ATP8A2: variants seen among roughly 807,000 people sequenced by gnomAD.
ATP8A2 encodes the protein phospholipid-transporting ATPase IB.
A neutral mutation model predicts 165.6 loss-of-function variants in ATP8A2; 100 were observed. That is an observed-to-expected ratio of 0.60 (90% confidence interval 0.51 to 0.71). ATP8A2 has a LOEUF of 0.71. Ranked by LOEUF, ATP8A2 falls within the 30% of genes least tolerant of loss-of-function variation. The pLI is 0.00. For synonymous variants in ATP8A2, 543 were observed against 548.8 expected, an observed-to-expected ratio of 0.99 and a Z score of 0.15; for missense variants, 1,227 against 1,479.5, an observed-to-expected ratio of 0.83 and a Z score of 2.80.
At chr13:25,860,155 C>T in intron 30 of ATP8A2, 40 bp from the exon 31 acceptor site, 1 of 1,435,796 alleles carries the variant, frequency 7.0e-7, no homozygotes, top group Non-Finnish European at 9.8e-7. Flanking sequence ...TGGCCATGCT[C>T]AGCTTCTTGG....
chr13:25,540,043 A>C (rs894911057), intron 7 of ATP8A2, among the ~76,000 whole-genome samples: 1 of 152,040 alleles, frequency 6.6e-6, no homozygotes, highest in African/African-American at 2.4e-5. Flanking sequence ...TTTCTCTTTC[A>C]TCTTCAGTTC....
chr13:25,828,695 T>C (rs1317173029), intron 28 of ATP8A2, among the ~76,000 whole-genome samples: 1 of 152,264 alleles, frequency 6.6e-6, no homozygotes, highest in Non-Finnish European at 1.5e-5. Flanking sequence ...TTCCAGCTAC[T>C]GTGGAGGATG....
chr13:25,660,071 A>G (rs1469389761), intron 24 of ATP8A2, among the ~76,000 whole-genome samples: 3 of 152,188 alleles, frequency 2.0e-5, no homozygotes, highest in African/African-American at 7.2e-5. Flanking sequence ...CAGGCCCTTT[A>G]TGTTGGACAA....
chr13:25,715,785 G>A (rs2043243582), intron 25 of ATP8A2, among the ~76,000 whole-genome samples: 1 of 152,102 alleles, frequency 6.6e-6, no homozygotes, highest in Admixed American at 6.5e-5. Context: ...TTTTTGTGTG[G>A]ACATATGTTT....
In ATP8A2 at chr13:25,512,296, G is replaced by A. The variant is rs562233631; in HGVS notation, c.222-17703G>A. Among the ~76,000 whole-genome samples, 11 of 152,186 alleles carry A rather than the reference G, an allele frequency of 7.2e-5. 1 individual carries two copies. The highest frequency in any genetic ancestry group is 4.2e-4 in the South Asian group (2 of 4,804). Reference sequence around the variant, plus strand: ...TGTCTACCTCTTTCTACACAGACACGGCAACCATCCGATTTCTCAATCTTT... The same window carrying A: ...TGTCTACCTCTTTCTACACAGACACAGCAACCATCCGATTTCTCAATCTTT... On this transcript the variant is annotated intron_variant, in intron 2 of 36. Transcript: ENST00000381655.
At chr13:25,464,232 T>C (rs1008956854) in intron 1 of ATP8A2, among the ~76,000 whole-genome samples, 2 of 152,258 alleles carry the variant, frequency 1.3e-5, no homozygotes, top group Non-Finnish European at 1.5e-5. Flanking sequence ...TGAATAGGAA[T>C]TTGTCCCTCC....
chr13:25,758,239 A>T (rs2044305864), intron 25 of ATP8A2, among the ~76,000 whole-genome samples: 1 of 152,238 alleles, frequency 6.6e-6, no homozygotes. Context: ...GTCCTTGAAC[A>T]TGAAATGGAA....
At chr13:25,577,189 A>G in intron 20 of ATP8A2, 51 bp downstream of exon 20, 1 of 1,453,576 alleles carries the variant, frequency 6.9e-7, no homozygotes, top group South Asian at 1.2e-5. Context: ...CAGCTTTGTT[A>G]ATCTGCCGCT....
At chr13:25,645,661 AT>A (rs780170878) in intron 24 of ATP8A2, among the ~76,000 whole-genome samples, 3 of 152,040 alleles carry the variant, frequency 2.0e-5, no homozygotes, top group Admixed American at 6.6e-5. Flanking sequence ...CCTATAATTT[AT>A]TTATTGATCC....
chr13:25,820,440 G>A (rs1451619248), intron 27 of ATP8A2, among the ~76,000 whole-genome samples: 1 of 152,142 alleles, frequency 6.6e-6, no homozygotes, highest in African/African-American at 2.4e-5. Context: ...AGCATTCCTA[G>A]TTAACAAGAA....
At chr13:25,974,197 C>A (rs763632826) in intron 35 of ATP8A2, among the ~76,000 whole-genome samples, 1 of 152,182 alleles carries the variant, frequency 6.6e-6, no homozygotes, top group African/African-American at 2.4e-5. Flanking sequence ...ATCATACATT[C>A]GCTTTGAGGT....
chr13:25,527,218 T>C (rs933252340), intron 2 of ATP8A2, among the ~76,000 whole-genome samples: 2 of 152,214 alleles, frequency 1.3e-5, no homozygotes, highest in African/African-American at 4.8e-5. Context: ...AGTGCTCTGC[T>C]GAATTAAATT....
In ATP8A2 at chr13:25,450,655, C is replaced by T. The variant is rs1399722804; in HGVS notation, c.77-18322C>T. ...CACGCCATTCTCCTGCTTCAGCCTC[C>T]CGAGTAGCTGGGACTACAGGCGCCC... On this transcript the variant is annotated intron_variant, in intron 1 of 36. Transcript: ENST00000381655. Among the ~76,000 whole-genome samples the T allele has an allele frequency of 5.3e-5, 8 of 152,104 alleles. 1 individual carries two copies. The highest frequency in any genetic ancestry group is 1.2e-4 in the Non-Finnish European group (8 of 68,024).
At chr13:25,800,097 A>T (rs1950590540) in intron 27 of ATP8A2, among the ~76,000 whole-genome samples, 1 of 152,218 alleles carries the variant, frequency 6.6e-6, no homozygotes, top group Admixed American at 6.5e-5. Flanking sequence ...ACCAACTCCT[A>T]AGTCCCTGTT....
intron 33 of ATP8A2, among the ~76,000 whole-genome samples, chr13:25,923,616 C>T (rs1954521245): frequency 9.2e-6 from 1 of 108,518 alleles, no homozygotes; most frequent in East Asian, 3.1e-4. Context: ...ATAATTCAAC[C>T]CTTAGCCTCC....
chr13:25,502,724 CTG>C (rs1484696443), intron 2 of ATP8A2, among the ~76,000 whole-genome samples: 1 of 152,216 alleles, frequency 6.6e-6, no homozygotes, highest in African/African-American at 2.4e-5. Context: ...TCAGATGTGA[CTG>C]TGTGTGCGTG....
chr13:25,946,304 T>A (rs1301640755), intron 33 of ATP8A2, among the ~76,000 whole-genome samples: 1 of 152,072 alleles, frequency 6.6e-6, no homozygotes, highest in Non-Finnish European at 1.5e-5. Flanking sequence ...AGAGTCTCTC[T>A]CATACATCTC....
intron 1 of ATP8A2, among the ~76,000 whole-genome samples, chr13:25,421,247 C>T (rs1441728238): frequency 6.6e-6 from 1 of 152,222 alleles, no homozygotes; most frequent in Admixed American, 6.5e-5. Context: ...TAGGTCCTTC[C>T]AGAGCTCCAT....
At chr13:25,993,380 G>A (rs9512009) in intron 35 of ATP8A2, among the ~76,000 whole-genome samples, 37,852 of 152,066 alleles carry the variant, frequency 0.25, 4,884 homozygotes, top group Non-Finnish European at 0.3. Flanking sequence ...ATTCAACATA[G>A]TGTTGGAAGT....
Sources: allele counts gnomAD v4.1 joint callset (sites outside exome capture counted in the v4.1 genomes callset), GRCh38; gene constraint gnomAD v4.1.1; transcripts MANE v1.5; gene names NCBI Gene and HGNC (gene_info 2026-07-23, HGNC 2026-07-21).